The following CYFIP1 variants were observed in gnomAD, a reference collection of about 807,000 sequenced individuals.
CYFIP1 encodes the protein cytoplasmic FMR1 interacting protein 1.
A neutral mutation model predicts 163.5 loss-of-function variants in CYFIP1; 58 were observed. That is an observed-to-expected ratio of 0.35 (90% CI 0.29 to 0.44). CYFIP1 has a LOEUF of 0.44. Ranked by LOEUF, CYFIP1 falls within the 20% of genes least tolerant of loss-of-function variation. CYFIP1 has a pLI of 1.00. For missense variants in CYFIP1, 1,338 were observed against 1,653.8 expected, an observed-to-expected ratio of 0.81 and a Z score of 3.31; for synonymous variants, 663 against 660.7, an observed-to-expected ratio of 1.00 and a Z score of -0.05.
intron 1 of CYFIP1, among the ~76,000 whole-genome samples, chr15:22,949,518 G>A (rs920946773): frequency 3.9e-5 from 6 of 152,188 alleles, no homozygotes; most frequent in African/African-American, 1.4e-4. Context: ...GCTAAGCGGC[G>A]AGGGCGCAGG....
intron 13 of CYFIP1, among the ~76,000 whole-genome samples, chr15:22,924,059 C>A (rs1396009879): frequency 6.7e-6 from 1 of 150,372 alleles, no homozygotes; most frequent in Non-Finnish European, 1.5e-5. Flanking sequence ...TACAATGTAA[C>A]ATATCCATGT....
intron 9 of CYFIP1, among the ~76,000 whole-genome samples, chr15:22,936,285 A>T (rs1361699241): frequency 2.0e-5 from 3 of 152,192 alleles, no homozygotes; most frequent in African/African-American, 7.2e-5. Context: ...TGTGTCCAAC[A>T]AAGGACATGT....
At chr15:22,980,749 C>T (rs1485373717), upstream of CYFIP1, among the ~76,000 whole-genome samples, 1 of 152,096 alleles carries the variant, frequency 6.6e-6, no homozygotes, top group African/African-American at 2.4e-5. Context: ...CAGGGGGACA[C>T]CCAGGACGCC....
chr15:22,930,389 C>CAAAGAAA (rs869052648), intron 11 of CYFIP1, among the ~76,000 whole-genome samples: 55 of 114,092 alleles, frequency 4.8e-4, no homozygotes, highest in African/African-American at 1.7e-3. Context: ...CCGTCTCACC[C>CAAAGAAA]AAAAAAAAAA....
Position 22,891,157 on chromosome 15 carries a change from G to A in CYFIP1, c.2676+1733C>T, listed in dbSNP as rs2060071345. On this transcript the variant is annotated intron_variant, in intron 23 of 30. Coordinates refer to ENST00000617928, the MANE Select transcript of CYFIP1 (RefSeq NM_014608.6). ...ACACTAAAGATGGCCAGGCGCAGTG[G>A]CTCACACCTGTAATCCGAGCACTTT... Among the ~76,000 whole-genome samples, 4 of 152,238 alleles carry A rather than the reference G, an allele frequency of 2.6e-5. No homozygotes were observed. In the South Asian group the frequency reaches 8.3e-4, roughly 32 times the overall value.
At chr15:22,960,278 T>A (rs78563084) in intron 1 of CYFIP1, among the ~76,000 whole-genome samples, 1,685 of 152,314 alleles carry the variant, frequency 0.011, 33 homozygotes, top group African/African-American at 0.039. Flanking sequence ...AGCATCAACC[T>A]CACCAGCTTC....
rs377681199 is a variant in CYFIP1, at chr15:22,882,856, G to A, written c.2820+12C>T. The A allele has an allele frequency of 2.7e-5, 43 of 1,610,316 alleles. 1 individual carries two copies. Among genetic ancestry groups the A allele is most frequent in the Non-Finnish European group, 3.6e-5 (42 of 1,177,198 alleles). The stretch of plus-strand genomic sequence containing the variant: ...AGGCTGTGTGAAAGAAGCATGTCCA[G>A]GGAACACTCACCAGGCTCTTGACGA... On this transcript the variant is annotated intron_variant, in intron 24 of 30. Coordinates refer to ENST00000617928, the MANE Select transcript of CYFIP1 (RefSeq NM_014608.6).
At position 22,961,288 on chromosome 15, in the gene CYFIP1, C is replaced by G. The variant is rs188722362; in HGVS notation, c.-6-13997G>C. ...CCGCCGGCTTTGGCCTTCCAAAGCGCTGAGATTGCAGGCATGAGCCACTGT... is the reference window on the plus strand; with the variant it reads ...CCGCCGGCTTTGGCCTTCCAAAGCGGTGAGATTGCAGGCATGAGCCACTGT... On this transcript the variant is annotated intron_variant, in intron 1 of 30. Coordinates refer to ENST00000617928, the MANE Select transcript of CYFIP1 (RefSeq NM_014608.6). Among the ~76,000 whole-genome samples the G allele has an allele frequency of 1.6e-3, 243 of 152,204 alleles. 2 individuals are homozygous for G. Among genetic ancestry groups the G allele is most frequent in the Non-Finnish European group, 2.2e-3 (149 of 68,018 alleles).
chr15:22,944,115 T>C (rs2140099073), intron 5 of CYFIP1, among the ~76,000 whole-genome samples: 1 of 151,910 alleles, frequency 6.6e-6, no homozygotes, highest in Admixed American at 6.6e-5. Context: ...GGCGGGCACC[T>C]GTAATCCCAG....
intron 16 of CYFIP1, 61 bp from the exon 17 acceptor site, chr15:22,914,943 G>A: frequency 2.0e-6 from 3 of 1,530,478 alleles, no homozygotes; most frequent in Non-Finnish European, 2.6e-6. Flanking sequence ...CTTTAGCAGA[G>A]ATGACACAAG....
intron 10 of CYFIP1, among the ~76,000 whole-genome samples, chr15:22,933,462 C>G (rs372391750): frequency 7.9e-5 from 12 of 151,776 alleles, no homozygotes; most frequent in South Asian, 2.1e-4. Flanking sequence ...CTACAGGCGC[C>G]CACCACCACG....
intron 26 of CYFIP1, among the ~76,000 whole-genome samples, chr15:22,876,275 CTCA>C (rs2059582941): frequency 6.6e-6 from 1 of 152,024 alleles, no homozygotes. Flanking sequence ...CTTTTCCGTA[CTCA>C]TCAACGTCAA....
At chr15:22,958,693 G>A (rs1049364230) in intron 1 of CYFIP1, among the ~76,000 whole-genome samples, 3 of 152,072 alleles carry the variant, frequency 2.0e-5, no homozygotes, top group African/African-American at 7.3e-5. Context: ...TGATCCCCCA[G>A]GCACCGCCAA....
At chr15:22,913,209 A>T (rs1380372504) in intron 17 of CYFIP1, among the ~76,000 whole-genome samples, 1 of 150,170 alleles carries the variant, frequency 6.7e-6, no homozygotes, top group Non-Finnish European at 1.5e-5. Flanking sequence ...TGGGGGGAAA[A>T]AAAAAAAGAA....
intron 13 of CYFIP1, among the ~76,000 whole-genome samples, chr15:22,925,638 C>A (rs118166208): frequency 6.6e-6 from 1 of 152,124 alleles, no homozygotes; most frequent in Non-Finnish European, 1.5e-5. Flanking sequence ...GAAAGGCTCA[C>A]GAGGGGAGTG....
intron 1 of CYFIP1, among the ~76,000 whole-genome samples, chr15:22,975,002 T>C (rs1330716758): frequency 1.3e-5 from 2 of 152,012 alleles, no homozygotes; most frequent in African/African-American, 2.4e-5. Context: ...TGTGAGCTTT[T>C]TGAGGATGGA....
intron 3 of CYFIP1, 130 bp from the exon 4 acceptor site, chr15:22,945,069 GC>G: frequency 1.2e-6 from 1 of 865,592 alleles, no homozygotes; most frequent in Non-Finnish European, 1.9e-6. Flanking sequence ...CCAAGAGACG[GC>G]TGCCAGAAGC....
intron 30 of CYFIP1, among the ~76,000 whole-genome samples, chr15:22,870,478 T>C (rs1022885077): frequency 6.6e-6 from 1 of 151,968 alleles, no homozygotes; most frequent in African/African-American, 2.4e-5. Flanking sequence ...GCAGCTAATT[T>C]TTAAATTTAA....
In CYFIP1 at chr15:22,916,537, A is replaced by C; in HGVS notation, c.1768T>G (p.Leu590Val). The C allele has an allele frequency of 6.2e-7, 1 of 1,614,122 alleles. No homozygotes were observed. Among genetic ancestry groups the C allele is most frequent in the Non-Finnish European group, 8.5e-7 (1 of 1,179,996 alleles). ...TCTCGATGAAATTTTTCTATGTCCA[A>C]TATGGTGGGCCCCTCAAGGCTACTT... ...LRSSLEGPTI[L>V]DIEKFHRESF... Residue 590 changes from leucine to valine, a missense_variant, in exon 16 of 31, where the codon TTG (leucine) becomes GTG (valine). Leu to Val is a conservative substitution (Grantham distance 32). Around this residue, in one of 4 missense-constraint regions of CYFIP1, gnomAD observed 824 missense variants for 995.7 expected, o/e 0.83. Coordinates refer to ENST00000617928, the MANE Select transcript of CYFIP1 (RefSeq NM_014608.6).
Sources: allele counts gnomAD v4.1 joint callset (sites outside exome capture counted in the v4.1 genomes callset), GRCh38; gene constraint gnomAD v4.1.1; regional missense constraint gnomAD v4.1.1; transcripts MANE v1.5; gene names NCBI Gene and HGNC (gene_info 2026-07-23, HGNC 2026-07-21).